The following CTDNEP1 variants were observed in gnomAD, a reference collection of about 807,000 sequenced individuals.
CTDNEP1 encodes C-terminal domain nuclear envelope phosphatase 1.
Under a neutral mutation model 30.1 loss-of-function variants are expected in CTDNEP1, and 3 were observed. The ratio of observed to expected loss-of-function variants is 0.10; its 90% CI spans 0.05 to 0.26. CTDNEP1 has a LOEUF of 0.26. CTDNEP1 is among the 10% of genes least tolerant of loss of function. The pLI is 1.00. For synonymous variants in CTDNEP1, 123 were observed against 118.8 expected (o/e 1.04, Z -0.23); for missense variants, 158 against 310.4 (o/e 0.51, Z 3.69).
rs2071809203 is a variant in CTDNEP1 at position 7,244,144 on chromosome 17, CT to C, written c.*40del. On this transcript the variant is annotated 3_prime_UTR_variant, in exon 8 of 8. Transcript: ENST00000574322. ...ACGGCATCCCAAGGGCTCGCCCTCCCTTTCCCCCCCACCCCAACTCAGGTGG... is the reference window on the plus strand; with the variant it reads ...ACGGCATCCCAAGGGCTCGCCCTCCCTTCCCCCCCACCCCAACTCAGGTGG... 18 of 1,612,492 alleles carry C rather than the reference CT, an allele frequency of 1.1e-5. No individual in the cohort carries two copies. The highest frequency in any genetic ancestry group is 4.5e-5 in the East Asian group (2 of 44,834).
Position 7,250,758 on chromosome 17 carries a change from C to G in CTDNEP1, c.102+437G>C, listed in dbSNP as rs1471135387. 2.6e-5 allele frequency among the ~76,000 whole-genome samples: 4 copies of G among 152,138 alleles called. No homozygotes were observed. In the South Asian group the frequency reaches 8.3e-4, roughly 32 times the overall value. On this transcript the variant is annotated intron_variant, in intron 1 of 7. Coordinates refer to ENST00000574322, the MANE Select transcript of CTDNEP1 (RefSeq NM_001143775.2). ...TTGTAACGTATGCCCTCCCACCCAC[C>G]TCCACCCTTGACACACAAGTCTGTC... is the stretch of plus-strand genomic sequence containing the variant.
rs2071836495 is a variant in CTDNEP1 at position 7,246,301 on chromosome 17, T to G, written c.430A>C (p.Lys144Gln). The change falls in exon 5 of 8, where the codon AAA becomes CAA. Residue 144 changes from lysine to glutamine, a missense_variant. By Grantham distance (53) the Lys-to-Gln change is moderately conservative (BLOSUM62 1). Transcript: ENST00000574322. This position sits in a 1 kb window ranked among gnomAD's most constrained non-coding sequence, Gnocchi z 4.9. ...MEIYGSAVAD[K>Q]LDNSRSILKR... is the part of the protein sequence containing the mutation. ...AGAATGCTTCTGCTATTGTCCAGTT[T>G]ATCTGCCACAGCAGAGCCATAGATC... 1 of 1,614,020 alleles carries G rather than the reference T, an allele frequency of 6.2e-7. No individual in the cohort carries two copies. Among genetic ancestry groups the G allele is most frequent in the East Asian group, 2.2e-5 (1 of 44,894 alleles).
intron 6 of CTDNEP1, among the ~76,000 whole-genome samples, chr17:7,245,165 G>T (rs2071819580): frequency 6.6e-6 from 1 of 152,150 alleles, no homozygotes; most frequent in South Asian, 2.1e-4. Context: ...GGTGGCAGGT[G>T]CCTGTGATCC....
At chr17:7,249,908 CAGAAA>C (rs201082816) in intron 1 of CTDNEP1, among the ~76,000 whole-genome samples, 2 of 151,958 alleles carry the variant, frequency 1.3e-5, no homozygotes, top group Non-Finnish European at 2.9e-5. Context: ...GAGACTGTCT[CAGAAA>C]AGAAAAGAAA....
Position 7,247,186 on chromosome 17 carries a change from A to C in CTDNEP1, c.170-4T>G, listed in dbSNP as rs2071849678. 6.2e-7 allele frequency: 1 copy of C among 1,612,832 alleles called. No individual in the cohort carries two copies. The highest frequency in any genetic ancestry group is 8.5e-7 in the Non-Finnish European group (1 of 1,178,832). ...AGGATCTTCCTCTTCACCTGGGCTGAACCAGAGTGGGGAGGAATAATATTG... is the reference window on the plus strand; with the variant it reads ...AGGATCTTCCTCTTCACCTGGGCTGCACCAGAGTGGGGAGGAATAATATTG... On this transcript the variant is annotated splice_polypyrimidine_tract_variant and splice_region_variant and intron_variant, in intron 2 of 7. Coordinates refer to ENST00000574322, the MANE Select transcript of CTDNEP1 (RefSeq NM_001143775.2).
intron 1 of CTDNEP1, among the ~76,000 whole-genome samples, chr17:7,249,920 G>T (rs1050810725): frequency 6.6e-6 from 1 of 152,072 alleles, no homozygotes; most frequent in Admixed American, 6.5e-5. Flanking sequence ...GAAAAGAAAA[G>T]AAAACCCCAG....
chr17:7,246,172 C>A lies in CTDNEP1; in HGVS notation c.478-35G>T. On this transcript the variant is annotated intron_variant, in intron 5 of 7. Transcript: ENST00000574322. The surrounding 1 kb of genome is among the most constrained non-coding windows in gnomAD (Gnocchi z 4.9). ...AGGGGATCATGTAGCAGGCCTCTCTCCAGGATACTCTCCTCAAACCCAGAT... is the reference window on the plus strand; with the variant it reads ...AGGGGATCATGTAGCAGGCCTCTCTACAGGATACTCTCCTCAAACCCAGAT... The A allele has an allele frequency of 6.3e-7, 1 of 1,588,754 alleles. No homozygotes were observed. The highest frequency in any genetic ancestry group is 1.3e-5 in the African/African-American group (1 of 74,478).
chr17:7,246,643 A>AAC lies in CTDNEP1; in HGVS notation c.360+147_360+148insGT, dbSNP rs1267242379. The stretch of plus-strand genomic sequence containing the variant: ...ACAACAAATGAACCCCAAGTACTGA[A>AAC]AGCCACTCCCCTACCATTACACAGC... On this transcript the variant is annotated intron_variant, in intron 4 of 7. Coordinates refer to ENST00000574322, the MANE Select transcript of CTDNEP1 (RefSeq NM_001143775.2). This position sits in a 1 kb window ranked among gnomAD's most constrained non-coding sequence, Gnocchi z 4.9. The AAC allele has an allele frequency of 2.8e-6, 2 of 708,374 alleles. No homozygotes were observed. The highest frequency in any genetic ancestry group is 2.5e-5 in the East Asian group (1 of 40,622). 43.9% of individuals were successfully genotyped at this position (708,374 alleles called of 1,614,324 possible).
In CTDNEP1 at chr17:7,246,431, G is replaced by A; in HGVS notation, c.361-61C>T. ...AGGTGATGATTCCTTTAGACATACA[G>A]TTATCTTTCAGAAAGGCAATGGCAT... On this transcript the variant is annotated intron_variant, in intron 4 of 7. Transcript: ENST00000574322. This position sits in a 1 kb window ranked among gnomAD's most constrained non-coding sequence, Gnocchi z 4.9. The A allele has an allele frequency of 8.1e-7, 1 of 1,235,226 alleles. No individual in the cohort carries two copies. Among genetic ancestry groups the A allele is most frequent in the Non-Finnish European group, 1.2e-6 (1 of 841,386 alleles). The allele number at this position is 1,235,226 out of a possible 1,614,324, so 76.5% of individuals were successfully genotyped here. A position where few individuals can be genotyped will look rare whatever the true frequency, so the allele number is the denominator to read the frequency against.
At chr17:7,247,968 T>C (rs1199409001) in intron 1 of CTDNEP1, among the ~76,000 whole-genome samples, 2 of 151,854 alleles carry the variant, frequency 1.3e-5, no homozygotes, top group Non-Finnish European at 2.9e-5. Flanking sequence ...GGTCAGTTGA[T>C]ATTAGTAGAA....
chr17:7,247,426 T>C, intron 1 of CTDNEP1, 83 bp from the exon 2 acceptor site: 1 of 1,039,852 alleles, frequency 9.6e-7, no homozygotes, highest in South Asian at 1.3e-5. Context: ...ATAATGAACA[T>C]TTACCACAGG....
At chr17:7,247,393 CCAGTAA>C in intron 1 of CTDNEP1, 50 bp from the exon 2 acceptor site, 4 of 1,421,274 alleles carry the variant, frequency 2.8e-6, no homozygotes, top group Non-Finnish European at 3.0e-6. Flanking sequence ...GAAGCCTTCC[CCAGTAA>C]CAGTAACAGG....
At chr17:7,248,999 C>A (rs77933998) in intron 1 of CTDNEP1, among the ~76,000 whole-genome samples, 1 of 152,108 alleles carries the variant, frequency 6.6e-6, no homozygotes, top group Admixed American at 6.6e-5. Context: ...TATCCTGGTA[C>A]CCAGGGTGAG....
Position 7,246,966 on chromosome 17 carries a change from C to T in CTDNEP1, c.288+98G>A. 1 of 1,407,150 alleles carries T rather than the reference C, an allele frequency of 7.1e-7. No individual in the cohort carries two copies. Among genetic ancestry groups the T allele is most frequent in the South Asian group, 1.2e-5 (1 of 84,982 alleles). The allele number at this position is 1,407,150 out of a possible 1,614,324, so 87.2% of individuals were successfully genotyped here. On this transcript the variant is annotated intron_variant, in intron 3 of 7. Coordinates refer to ENST00000574322, the MANE Select transcript of CTDNEP1 (RefSeq NM_001143775.2). The surrounding 1 kb of genome is among the most constrained non-coding windows in gnomAD (Gnocchi z 4.9). ...CCCTCCTCCAGGCTGACACTGGTGC[C>T]AGCGGATGGAGACAGATGCTCTGGG... is the stretch of plus-strand genomic sequence containing the variant.
chr17:7,251,130 C>A, intron 1 of CTDNEP1, 65 bp downstream of exon 1: 1 of 1,215,362 alleles, frequency 8.2e-7, no homozygotes, highest in Non-Finnish European at 1.2e-6. Context: ...CCCCTGAGCA[C>A]CACGGACAGA....
At chr17:7,248,521 G>C (rs539113765) in intron 1 of CTDNEP1, among the ~76,000 whole-genome samples, 62 of 151,430 alleles carry the variant, frequency 4.1e-4, no homozygotes, top group African/African-American at 1.4e-3. Flanking sequence ...ACCACGCCCA[G>C]CTAATTTTTG....
intron 1 of CTDNEP1, among the ~76,000 whole-genome samples, chr17:7,249,478 GGAC>G (rs1269157770): frequency 6.6e-6 from 1 of 152,218 alleles, no homozygotes; most frequent in Non-Finnish European, 1.5e-5. Flanking sequence ...AGGGAAGGGA[GGAC>G]AAAAGGCTAT....
chr17:7,244,174 G>A lies in CTDNEP1; in HGVS notation c.*11C>T. 5 of 1,613,886 alleles carry A rather than the reference G, an allele frequency of 3.1e-6. No homozygotes were observed. The highest frequency in any genetic ancestry group is 4.2e-6 in the Non-Finnish European group (5 of 1,179,928). On this transcript the variant is annotated 3_prime_UTR_variant, in exon 8 of 8. Coordinates refer to ENST00000574322, the MANE Select transcript of CTDNEP1 (RefSeq NM_001143775.2). ...CCCCCCACCCCAACTCAGGTGGAGG[G>A]GGAGCAGCTGTCACCAGAGCCGATG... is the stretch of plus-strand genomic sequence containing the variant.
chr17:7,251,087 C>G, intron 1 of CTDNEP1, 108 bp downstream of exon 1: 2 of 730,936 alleles, frequency 2.7e-6, no homozygotes, highest in Non-Finnish European at 4.3e-6. Context: ...GATTCCCTTC[C>G]TAGGCCCAAA....
Sources: gnomAD v4.1 joint callset for allele counts (sites outside exome capture counted in the v4.1 genomes callset) on GRCh38, gnomAD v4.1.1 for gene constraint, Gnocchi (gnomAD v3.1) non-coding constraint, MANE v1.5 for transcripts, NCBI Gene and HGNC (gene_info 2026-07-23, HGNC 2026-07-21) for gene names.